MIDN: variants seen among roughly 807,000 people sequenced by gnomAD.
MIDN encodes the protein midnolin.
Under a neutral mutation model 46.1 loss-of-function variants are expected in MIDN, and 26 were observed. The ratio of observed to expected loss-of-function variants is 0.56; its 90% CI spans 0.41 to 0.78. MIDN has a LOEUF of 0.78. Among genes scored for constraint, MIDN ranks in the 30% least tolerant of loss-of-function variants. The pLI, the probability that MIDN is intolerant of heterozygous loss-of-function variation, is 0.00. For missense variants in MIDN, 850 were observed against 771.8 expected, an observed-to-expected ratio of 1.10 and a Z score of -1.20; for synonymous variants, 432 against 343.3, an observed-to-expected ratio of 1.26 and a Z score of -2.86.
In MIDN at chr19:1,258,586, CT is replaced by C. The variant is rs2081230152; in HGVS notation, c.*1315del. ...ACCCCACCTGTCGGTCTTGTCCTGGCTCTGCCTGTCCCCCACCGTTGTTCTC... is the reference window on the plus strand; with the variant it reads ...ACCCCACCTGTCGGTCTTGTCCTGGCCTGCCTGTCCCCCACCGTTGTTCTC... On this transcript the variant is annotated 3_prime_UTR_variant, in exon 9 of 9. Coordinates refer to ENST00000682408, the MANE Select transcript of MIDN (RefSeq NM_001388306.1). 1 of 152,370 alleles carries C rather than the reference CT, an allele frequency of 6.6e-6. No individual in the cohort carries two copies. The highest frequency in any genetic ancestry group is 2.4e-5 in the African/African-American group (1 of 41,372). The allele number at this position is 152,370 out of a possible 1,614,324, so 9.4% of individuals were successfully genotyped here. A position where few individuals can be genotyped will look rare whatever the true frequency, so the allele number is the denominator to read the frequency against.
chr19:1,255,722 C>T (rs2081191871), intron 8 of MIDN, 28 bp downstream of exon 8: 3 of 1,516,682 alleles, frequency 2.0e-6, no homozygotes, highest in Non-Finnish European at 1.8e-6. Flanking sequence ...GGGGTCCTAC[C>T]TTCCCCGCCC....
intron 8 of MIDN, among the ~76,000 whole-genome samples, chr19:1,256,783 TCTC>T (rs1454806692): frequency 6.6e-6 from 1 of 152,134 alleles, no homozygotes; most frequent in African/African-American, 2.4e-5. Flanking sequence ...CTCAAGCGAT[TCTC>T]CTGCCTCGGC....
At position 1,254,091 on chromosome 19, in the gene MIDN, GC is replaced by G. The variant is rs1234733766; in HGVS notation, c.513+10del. ...GCGGCGAGAGGCCCCAGGTCACAGCGCGGGGGGACTGGGCCGGGCTGGGCTG... is the reference window on the plus strand; with the variant it reads ...GCGGCGAGAGGCCCCAGGTCACAGCGGGGGGGACTGGGCCGGGCTGGGCTG... On this transcript the variant is annotated intron_variant, in intron 5 of 8. Transcript: ENST00000682408. 1.9e-5 allele frequency: 29 copies of G among 1,526,608 alleles called. No individual in the cohort carries two copies. In the East Asian group the frequency reaches 7.2e-4, roughly 38 times the overall value. The allele number at this position is 1,526,608 out of a possible 1,614,324, so 94.6% of individuals were successfully genotyped here. A position where few individuals can be genotyped will look rare whatever the true frequency, so the allele number is the denominator to read the frequency against.
Position 1,257,436 on chromosome 19 carries a change from T to C in MIDN, c.*164T>C. The stretch of plus-strand genomic sequence containing the variant: ...CTTTTTTATTATTTTTTTCTTTTTT[T>C]AAAAAGTTCTGACCGTGGTTTCCTG... On this transcript the variant is annotated 3_prime_UTR_variant, in exon 9 of 9. Transcript: ENST00000682408. The C allele has an allele frequency of 1.7e-6, 1 of 605,294 alleles. No homozygotes were observed. The highest frequency in any genetic ancestry group is 2.3e-5 in the South Asian group (1 of 43,784). The allele number at this position is 605,294 out of a possible 1,614,324, so 37.5% of individuals were successfully genotyped here. A position where few individuals can be genotyped will look rare whatever the true frequency, so the allele number is the denominator to read the frequency against.
At chr19:1,253,743 G>T in intron 4 of MIDN, 1 of 248,828 alleles carries the variant, frequency 4.0e-6, no homozygotes, top group South Asian at 4.7e-5. Flanking sequence ...GACTTAGCTG[G>T]GAGGGGGCCT....
chr19:1,248,825 G>A (rs987638387), intron 1 of MIDN, among the ~76,000 whole-genome samples, 165 bp downstream of exon 1: 4 of 151,896 alleles, frequency 2.6e-5, no homozygotes, highest in South Asian at 2.1e-4. Context: ...CGCAGCCAGC[G>A]CCGCCCTGGC....
At chr19:1,255,288 C>G in intron 7 of MIDN, 134 bp from the exon 8 acceptor site, 1 of 1,264,114 alleles carries the variant, frequency 7.9e-7, no homozygotes, top group Non-Finnish European at 1.1e-6. Flanking sequence ...CGCTCCCGCC[C>G]CGTGGTCCCT....
Position 1,258,799 on chromosome 19 carries a change from A to G in MIDN, c.*1527A>G, listed in dbSNP as rs2081232754. On this transcript the variant is annotated 3_prime_UTR_variant, in exon 9 of 9. Transcript: ENST00000682408. Reference sequence around the variant, plus strand: ...GTTTTGTTTTCATTTTTCCAAAAAAAAAAGAAAAAAAAATAGAAAAAAAAG... The same window carrying G: ...GTTTTGTTTTCATTTTTCCAAAAAAGAAAGAAAAAAAAATAGAAAAAAAAG... The G allele has an allele frequency of 6.6e-6, 1 of 152,096 alleles. No homozygotes were observed. The highest frequency in any genetic ancestry group is 1.5e-5 in the Non-Finnish European group (1 of 68,024). 9.4% of individuals were successfully genotyped at this position (152,096 alleles called of 1,614,324 possible).
chr19:1,254,930 GCAGTGCCAGTCCTGGTGCCAGCAC>G lies in MIDN; in HGVS notation c.857_880del (p.Ser286_Thr293del), dbSNP rs778441320. On this transcript the variant is annotated inframe_deletion, in exon 7 of 9. Coordinates refer to ENST00000682408, the MANE Select transcript of MIDN (RefSeq NM_001388306.1). ...ATGGACTGCTCCCCCACGGCCAGCA[GCAGTGCCAGTCCTGGTGCCAGCAC>G]CACGTCTACCCCAGGGGCCAGCCCT... 1.2e-5 allele frequency: 20 copies of G among 1,609,894 alleles called. No homozygotes were observed. In the South Asian group the frequency reaches 2.2e-4, roughly 18 times the overall value.
Position 1,251,583 on chromosome 19 carries a change from G to T in MIDN, c.255G>T (p.Leu85=). The change falls in exon 3 of 9, where the codon CTG becomes CTT. Residue 85 remains leucine, a synonymous_variant. Coordinates refer to ENST00000682408, the MANE Select transcript of MIDN (RefSeq NM_001388306.1). ...HKDTRLSSGK[L]QEFGVGDGSK... ...CCAGCCGGCTCAGTTCGGGGAAGCT[G>T]CAGGAGTTCGGCGTGGGTGATGGCA... 6.2e-7 allele frequency: 1 copy of T among 1,606,968 alleles called. No homozygotes were observed. The highest frequency in any genetic ancestry group is 8.5e-7 in the Non-Finnish European group (1 of 1,177,738).
In MIDN at chr19:1,257,156, A is replaced by AGCAGCGGGGGCG; in HGVS notation, c.1423_1434dup (p.Ser475_Gly478dup). The AGCAGCGGGGGCG allele has an allele frequency of 6.2e-7, 1 of 1,611,590 alleles. No homozygotes were observed. The highest frequency in any genetic ancestry group is 8.5e-7 in the Non-Finnish European group (1 of 1,179,218). On this transcript the variant is annotated inframe_insertion, in exon 9 of 9. Transcript: ENST00000682408. Reference sequence around the variant, plus strand: ...CAAGGCCGGCCGCAGCGACAGCAGTAGCAGCGGGGGCGGCGGCAGCCCCAG... The same window carrying AGCAGCGGGGGCG: ...CAAGGCCGGCCGCAGCGACAGCAGTAGCAGCGGGGGCGGCAGCGGGGGCGGCGGCAGCCCCAG...
chr19:1,256,820 G>A (rs2081204347), intron 8 of MIDN, among the ~76,000 whole-genome samples, 175 bp from the exon 9 acceptor site: 1 of 152,182 alleles, frequency 6.6e-6, no homozygotes, highest in Non-Finnish European at 1.5e-5. Flanking sequence ...GAGATTACAG[G>A]CGTGAACCAC....
chr19:1,249,547 G>A (rs1156492368), intron 1 of MIDN, among the ~76,000 whole-genome samples: 1 of 149,748 alleles, frequency 6.7e-6, no homozygotes. Context: ...CGCGCCCCCC[G>A]GGGCGCGCCC....
At chr19:1,248,837 G>A (rs1426365190) in intron 1 of MIDN, among the ~76,000 whole-genome samples, 177 bp downstream of exon 1, 1 of 151,784 alleles carries the variant, frequency 6.6e-6, no homozygotes, top group Non-Finnish European at 1.5e-5. Context: ...CGCCCTGGCC[G>A]GACCTCAGCC....
chr19:1,258,710 T>C lies in MIDN; in HGVS notation c.*1438T>C, dbSNP rs1244420562. ...CGTGTTATAACTGTAGCGCTGTAAA[T>C]TTTTTTGTGGGAGGGTGGGCAGGGA... On this transcript the variant is annotated 3_prime_UTR_variant, in exon 9 of 9. Transcript: ENST00000682408. The C allele has an allele frequency of 4.0e-5, 6 of 151,660 alleles. No individual in the cohort carries two copies. Among genetic ancestry groups the C allele is most frequent in the Non-Finnish European group, 8.8e-5 (6 of 67,880 alleles). The allele number at this position is 151,660 out of a possible 1,614,324, so 9.4% of individuals were successfully genotyped here.
intron 8 of MIDN, among the ~76,000 whole-genome samples, chr19:1,256,431 G>A (rs1165762106): frequency 8.0e-5 from 12 of 149,624 alleles, no homozygotes; most frequent in Non-Finnish European, 1.3e-4. Flanking sequence ...GCAGTGAGCC[G>A]AGATCGCGCC....
At chr19:1,252,095 G>A (rs1289445711) in intron 4 of MIDN, among the ~76,000 whole-genome samples, 194 bp downstream of exon 4, 5 of 152,174 alleles carry the variant, frequency 3.3e-5, no homozygotes, top group African/African-American at 4.8e-5. Flanking sequence ...GACCCGGAGG[G>A]CTTTCTCTCC....
chr19:1,255,169 T>C (rs1442838944), intron 7 of MIDN, 108 bp downstream of exon 7: 12 of 1,326,350 alleles, frequency 9.0e-6, no homozygotes, highest in African/African-American at 1.5e-5. Flanking sequence ...ATACACAGGC[T>C]GTGTCCGTCT....
intron 6 of MIDN, 42 bp downstream of exon 6, chr19:1,254,520 A>C: frequency 6.5e-7 from 1 of 1,531,078 alleles, no homozygotes; most frequent in Non-Finnish European, 8.8e-7. Flanking sequence ...GTTGGAATCC[A>C]AAGGGTGGGC....
Sources: allele counts gnomAD v4.1 joint callset (sites outside exome capture counted in the v4.1 genomes callset), GRCh38; gene constraint gnomAD v4.1.1; transcripts MANE v1.5; gene names NCBI Gene and HGNC (gene_info 2026-07-23, HGNC 2026-07-21).